FAM227B: variants seen among roughly 807,000 people sequenced by gnomAD.
FAM227B encodes family with sequence similarity 227 member B.
A neutral mutation model predicts 73.8 loss-of-function variants in FAM227B; 88 were observed. The observed-to-expected ratio is 1.19, with a 90% CI of 1.00 to 1.42. The LOEUF (loss-of-function observed/expected upper bound fraction) is 1.42. FAM227B is among the 40% of genes most tolerant of loss of function. FAM227B has a pLI of 0.00. For missense variants in FAM227B, 632 were observed against 590.9 expected, an observed-to-expected ratio of 1.07 and a Z score of -0.72; for synonymous variants, 210 against 190.5, an observed-to-expected ratio of 1.10 and a Z score of -0.84.
chr15:49,552,874 G>C (rs1470447291), intron 9 of FAM227B, among the ~76,000 whole-genome samples: 1 of 151,656 alleles, frequency 6.6e-6, no homozygotes, highest in Non-Finnish European at 1.5e-5. Context: ...TCCTTCTCTG[G>C]GTTATCCTGA....
At chr15:49,477,902 T>C (rs1444216574) in intron 11 of FAM227B, among the ~76,000 whole-genome samples, 1 of 152,228 alleles carries the variant, frequency 6.6e-6, no homozygotes, top group Non-Finnish European at 1.5e-5. Context: ...ATTGTTGTTT[T>C]AATTTGCAAT....
chr15:49,429,226 T>C (rs769063909), intron 11 of FAM227B, among the ~76,000 whole-genome samples: 5 of 151,980 alleles, frequency 3.3e-5, no homozygotes, highest in African/African-American at 4.8e-5. Context: ...CTAGCAATTA[T>C]AGACAAGGTA....
intron 11 of FAM227B, among the ~76,000 whole-genome samples, chr15:49,503,408 A>G (rs1224153302): frequency 1.3e-5 from 2 of 152,250 alleles, no homozygotes; most frequent in Non-Finnish European, 2.9e-5. Context: ...TGGCAACAAA[A>G]GCCAGAATTG....
intron 13 of FAM227B, among the ~76,000 whole-genome samples, chr15:49,344,962 C>T (rs956215917): frequency 1.3e-5 from 2 of 152,172 alleles, no homozygotes; most frequent in Non-Finnish European, 2.9e-5. Context: ...CAATGATACA[C>T]TTTTTCTAAA....
chr15:49,549,477 C>T (rs1022175100), intron 9 of FAM227B, among the ~76,000 whole-genome samples: 1 of 152,066 alleles, frequency 6.6e-6, no homozygotes, highest in Non-Finnish European at 1.5e-5. Context: ...TGTGGCCTGG[C>T]CTTCCACAGT....
chr15:49,411,592 C>T (rs1463257844), intron 11 of FAM227B, among the ~76,000 whole-genome samples: 2 of 152,066 alleles, frequency 1.3e-5, no homozygotes, highest in Non-Finnish European at 2.9e-5. Flanking sequence ...ACATATAAAA[C>T]ATTTCATTAC....
chr15:49,494,054 G>C (rs1024836891), intron 11 of FAM227B, among the ~76,000 whole-genome samples: 2 of 151,798 alleles, frequency 1.3e-5, no homozygotes, highest in Non-Finnish European at 2.9e-5. Context: ...GAACCACTAA[G>C]AACCATAAGT....
intron 10 of FAM227B, among the ~76,000 whole-genome samples, chr15:49,530,792 GA>G (rs1172242040): frequency 6.6e-6 from 1 of 151,740 alleles, no homozygotes; most frequent in East Asian, 1.9e-4. Context: ...AAACTCATTT[GA>G]GTTTTAATAG....
intron 7 of FAM227B, among the ~76,000 whole-genome samples, chr15:49,575,554 T>C (rs1401806908): frequency 6.6e-6 from 1 of 151,986 alleles, no homozygotes; most frequent in Non-Finnish European, 1.5e-5. Context: ...AATAACTAAA[T>C]CAAATATAGT....
intron 9 of FAM227B, among the ~76,000 whole-genome samples, chr15:49,549,755 A>G (rs1028040294): frequency 6.6e-6 from 1 of 152,140 alleles, no homozygotes; most frequent in African/African-American, 2.4e-5. Context: ...CGATTTCTCA[A>G]TCTTTTCCCC....
chr15:49,546,177 C>A (rs2071841965), intron 9 of FAM227B, among the ~76,000 whole-genome samples: 1 of 151,924 alleles, frequency 6.6e-6, no homozygotes, highest in East Asian at 1.9e-4. Flanking sequence ...TCTCATTGTT[C>A]AATTCCCACC....
intron 11 of FAM227B, among the ~76,000 whole-genome samples, chr15:49,395,081 A>G (rs2047481138): frequency 6.6e-6 from 1 of 152,150 alleles, no homozygotes; most frequent in South Asian, 2.1e-4. Context: ...TTTGCTTTAT[A>G]TATTTCTAGC....
chr15:49,549,987 C>T lies in FAM227B; in HGVS notation c.748-8181G>A, dbSNP rs561174665. Among the ~76,000 whole-genome samples, 17 of 113,954 alleles carry T rather than the reference C, an allele frequency of 1.5e-4. 1 individual carries two copies. In the East Asian group the frequency reaches 1.6e-3, roughly 11 times the overall value. 74.8% of individuals were successfully genotyped at this position (113,954 alleles called of 152,430 possible). A position where few individuals can be genotyped will look rare whatever the true frequency, so the allele number is the denominator to read the frequency against. On this transcript the variant is annotated intron_variant, in intron 9 of 15. Coordinates refer to ENST00000299338, the MANE Select transcript of FAM227B (RefSeq NM_152647.3). ...CTGACCCCCCCACCTCCCTCCCAGACGGGGCGGCTGGCCGGGCAGGGGGCT... is the reference window on the plus strand; with the variant it reads ...CTGACCCCCCCACCTCCCTCCCAGATGGGGCGGCTGGCCGGGCAGGGGGCT...
At chr15:49,501,872 G>C (rs1326126418) in intron 11 of FAM227B, among the ~76,000 whole-genome samples, 1 of 152,238 alleles carries the variant, frequency 6.6e-6, no homozygotes, top group Non-Finnish European at 1.5e-5. Context: ...CTGCTGTCCT[G>C]CACAGTCTTG....
At chr15:49,487,942 G>C (rs1157095890) in intron 11 of FAM227B, 1 of 151,938 alleles carries the variant, frequency 6.6e-6, no homozygotes, top group African/African-American at 2.4e-5. Context: ...AGACACAAAA[G>C]ATTATTTGCC....
At chr15:49,573,637 A>C (rs776115397) in intron 8 of FAM227B, among the ~76,000 whole-genome samples, 3 of 152,164 alleles carry the variant, frequency 2.0e-5, no homozygotes, top group Non-Finnish European at 4.4e-5. Context: ...TGCAGCAAAA[A>C]GGCCTTCACC....
intron 13 of FAM227B, among the ~76,000 whole-genome samples, chr15:49,339,889 G>A (rs770460336): frequency 6.6e-6 from 1 of 152,074 alleles, no homozygotes; most frequent in African/African-American, 2.4e-5. Context: ...CACCCAGTTC[G>A]AACTTCCTGG....
intron 10 of FAM227B, among the ~76,000 whole-genome samples, chr15:49,533,600 T>C (rs2060783726): frequency 6.6e-6 from 1 of 151,940 alleles, no homozygotes; most frequent in African/African-American, 2.4e-5. Context: ...TCTTTATGAA[T>C]TGACTGCTTT....
chr15:49,614,902 G>C (rs1267355896), intron 2 of FAM227B: 4 of 526,292 alleles, frequency 7.6e-6, no homozygotes, highest in Non-Finnish European at 1.4e-5. Flanking sequence ...ATTTGAGACT[G>C]ATCTCCCATC....
Sources: gnomAD v4.1 joint callset for allele counts (sites outside exome capture counted in the v4.1 genomes callset) on GRCh38, gnomAD v4.1.1 for gene constraint, MANE v1.5 for transcripts, NCBI Gene and HGNC (gene_info 2026-07-23, HGNC 2026-07-21) for gene names.